PDIA5: variants seen among roughly 807,000 people sequenced by gnomAD.
PDIA5 encodes protein disulfide-isomerase A5.
In PDIA5, 58 loss-of-function variants were observed where a neutral mutation model predicts 77.6. The observed-to-expected ratio is 0.75, with a 90% CI of 0.61 to 0.93. The LOEUF is 0.93. PDIA5 is among the 40% of genes least tolerant of loss of function. PDIA5 has a pLI of 0.00. For synonymous variants in PDIA5, 250 were observed against 252.1 expected, an observed-to-expected ratio of 0.99 and a Z score of 0.08; for missense variants, 630 against 647.7, an observed-to-expected ratio of 0.97 and a Z score of 0.30.
intron 1 of PDIA5, among the ~76,000 whole-genome samples, chr3:123,088,570 C>T (rs563664408): frequency 9.2e-5 from 14 of 152,320 alleles, no homozygotes; most frequent in African/African-American, 1.4e-4. Context: ...TCCCAGGGGG[C>T]TCTCGACTGA....
At chr3:123,108,194 C>G (rs766487831) in intron 6 of PDIA5, among the ~76,000 whole-genome samples, 9 of 151,856 alleles carry the variant, frequency 5.9e-5, no homozygotes, top group African/African-American at 1.7e-4. Flanking sequence ...TGTGAGCCAA[C>G]CTAGTGGATC....
chr3:123,145,661 C>A, intron 12 of PDIA5, 69 bp downstream of exon 12: 1 of 1,358,182 alleles, frequency 7.4e-7, no homozygotes. Flanking sequence ...ATCATTATGA[C>A]TTTCCCCTGC....
At position 123,154,952 on chromosome 3, in the gene PDIA5, C is replaced by T; in HGVS notation, c.1274-19C>T. Reference sequence around the variant, plus strand: ...CACATGCATCACAGTCCTGTGTGCTCTCTTCCCCTCTCACACAGGGTGCCC... The same window carrying T: ...CACATGCATCACAGTCCTGTGTGCTTTCTTCCCCTCTCACACAGGGTGCCC... On this transcript the variant is annotated intron_variant, in intron 14 of 16. Coordinates refer to ENST00000316218, the MANE Select transcript of PDIA5 (RefSeq NM_006810.4). The T allele has an allele frequency of 6.4e-7, 1 of 1,556,824 alleles. No homozygotes were observed. Among genetic ancestry groups the T allele is most frequent in the Non-Finnish European group, 8.9e-7 (1 of 1,127,890 alleles).
intron 11 of PDIA5, among the ~76,000 whole-genome samples, chr3:123,131,668 G>T (rs183668223): frequency 1.0e-3 from 155 of 150,336 alleles, no homozygotes; most frequent in African/African-American, 3.7e-3. Flanking sequence ...GTGAATCAAG[G>T]AAGTAAAATC....
intron 1 of PDIA5, among the ~76,000 whole-genome samples, chr3:123,088,451 T>TATTTCTC (rs1332254662): frequency 5.9e-5 from 9 of 152,238 alleles, no homozygotes; most frequent in Non-Finnish European, 1.0e-4. Flanking sequence ...GGGATGATCT[T>TATTTCTC]ATTTCTCTGT....
chr3:123,111,427 G>T (rs751694553), intron 7 of PDIA5, among the ~76,000 whole-genome samples: 1 of 152,232 alleles, frequency 6.6e-6, no homozygotes, highest in Non-Finnish European at 1.5e-5. Flanking sequence ...TCTGGCTCCC[G>T]CATCCTCTGC....
At chr3:123,141,083 GCA>G (rs1935622426) in intron 11 of PDIA5, among the ~76,000 whole-genome samples, 1 of 152,192 alleles carries the variant, frequency 6.6e-6, no homozygotes, top group South Asian at 2.1e-4. Flanking sequence ...CTCCCTACCA[GCA>G]CACAGTGAAT....
rs573979001 is a variant in PDIA5, at chr3:123,069,774, A to AGTTTTC, written c.42+2568_42+2569insGTTTTC. ...TTGGGGGTTAGGATTTTAACATATGAATTTTCAGGGGAATGACAGAAATAC... is the reference window on the plus strand; with the variant it reads ...TTGGGGGTTAGGATTTTAACATATGAGTTTTCATTTTCAGGGGAATGACAGAAATAC... On this transcript the variant is annotated intron_variant, in intron 1 of 16. Transcript: ENST00000316218. 9.2e-5 allele frequency among the ~76,000 whole-genome samples: 14 copies of AGTTTTC among 152,164 alleles called. No individual in the cohort carries two copies. The East Asian group carries it at 2.3e-3, about 25-fold the overall frequency.
At chr3:123,077,286 G>A (rs1237221893) in intron 1 of PDIA5, among the ~76,000 whole-genome samples, 1 of 152,142 alleles carries the variant, frequency 6.6e-6, no homozygotes, top group African/African-American at 2.4e-5. Context: ...TTATACACTT[G>A]TCAAGGTAAT....
chr3:123,090,369 C>T lies in PDIA5; in HGVS notation c.169+1075C>T, dbSNP rs115327160. On this transcript the variant is annotated intron_variant, in intron 2 of 16. Coordinates refer to ENST00000316218, the MANE Select transcript of PDIA5 (RefSeq NM_006810.4). ...TGTGGCTTGCTGCCTTGGATACTCC[C>T]GGAGTTGGAACTAGGAGGACTGTCA... Among the ~76,000 whole-genome samples, 1,453 of 152,316 alleles carry T rather than the reference C, an allele frequency of 9.5e-3. 22 individuals carry two copies. Among genetic ancestry groups the T allele is most frequent in the African/African-American group, 0.032 (1,329 of 41,568 alleles).
chr3:123,069,033 G>C (rs143214760), intron 1 of PDIA5, among the ~76,000 whole-genome samples: 1 of 152,200 alleles, frequency 6.6e-6, no homozygotes, highest in Admixed American at 6.5e-5. Context: ...GAAAGCACTA[G>C]AACCTGGGAG....
At chr3:123,078,749 A>G (rs936719183) in intron 1 of PDIA5, among the ~76,000 whole-genome samples, 1 of 152,146 alleles carries the variant, frequency 6.6e-6, no homozygotes, top group African/African-American at 2.4e-5. Flanking sequence ...GTCTCCTTTA[A>G]TCTGGAATAG....
intron 1 of PDIA5, among the ~76,000 whole-genome samples, chr3:123,069,850 G>A (rs1035174182): frequency 1.3e-5 from 2 of 152,140 alleles, no homozygotes; most frequent in Admixed American, 6.5e-5. Flanking sequence ...AGCAGTTTGG[G>A]AGGCTGAGGC....
At chr3:123,159,110 A>T (rs1936090611) in intron 15 of PDIA5, among the ~76,000 whole-genome samples, 1 of 152,262 alleles carries the variant, frequency 6.6e-6, no homozygotes, top group African/African-American at 2.4e-5. Flanking sequence ...AGGGCATTGT[A>T]TACAAATTAA....
chr3:123,139,880 C>T (rs569023292), intron 11 of PDIA5, among the ~76,000 whole-genome samples: 6 of 152,210 alleles, frequency 3.9e-5, no homozygotes, highest in East Asian at 3.9e-4. Context: ...ACAAGACAGC[C>T]GAGCCCCTGC....
intron 11 of PDIA5, among the ~76,000 whole-genome samples, chr3:123,136,725 C>CAAAA (rs59022235): frequency 0.018 from 1,282 of 71,362 alleles, 1 homozygote; most frequent in Non-Finnish European, 0.023. Context: ...GGTGACAAGA[C>CAAAA]AAAAAAAAAA....
chr3:123,070,228 G>A (rs1342037809), intron 1 of PDIA5, among the ~76,000 whole-genome samples: 1 of 152,166 alleles, frequency 6.6e-6, no homozygotes, highest in Admixed American at 6.5e-5. Flanking sequence ...CTAAGGATGT[G>A]GAAAAATGCC....
chr3:123,067,363 C>A, intron 1 of PDIA5, 157 bp downstream of exon 1: 1 of 629,570 alleles, frequency 1.6e-6, no homozygotes, highest in Non-Finnish European at 2.3e-6. Context: ...CTGGGTGCTA[C>A]GCGGGAGACA....
intron 15 of PDIA5, among the ~76,000 whole-genome samples, chr3:123,155,739 C>T (rs1936008213): frequency 6.6e-6 from 1 of 152,188 alleles, no homozygotes; most frequent in African/African-American, 2.4e-5. Context: ...GAGACTCAGT[C>T]ATGGGAACCT....
Sources: allele counts gnomAD v4.1 joint callset (sites outside exome capture counted in the v4.1 genomes callset), GRCh38; gene constraint gnomAD v4.1.1; transcripts MANE v1.5; gene names NCBI Gene and HGNC (gene_info 2026-07-23, HGNC 2026-07-21).